Variants in MKLN1 observed in about 807,000 individuals in gnomAD.
MKLN1 encodes the protein muskelin 1, also known as muskelin.
Under a neutral mutation model 99.0 loss-of-function variants are expected in MKLN1, and 18 were observed. The ratio of observed to expected loss-of-function variants is 0.18; its 90% confidence interval spans 0.13 to 0.27. MKLN1 has a LOEUF of 0.27. MKLN1 is among the 10% of genes least tolerant of loss of function. The pLI is 1.00. For missense variants in MKLN1, 621 were observed against 875.9 expected, an observed-to-expected ratio of 0.71 and a Z score of 3.67; for synonymous variants, 288 against 293.2, an observed-to-expected ratio of 0.98 and a Z score of 0.18.
chr7:131,429,815 C>T (rs533858214), intron 9 of MKLN1, among the ~76,000 whole-genome samples: 1 of 152,264 alleles, frequency 6.6e-6, no homozygotes, highest in South Asian at 2.1e-4. Flanking sequence ...CTCCTGACCT[C>T]GTGATCCACC....
At chr7:131,116,824 T>C (rs1795285013) in intron 1 of MKLN1, among the ~76,000 whole-genome samples, 2 of 152,108 alleles carry the variant, frequency 1.3e-5, no homozygotes, top group African/African-American at 4.8e-5. Context: ...TTTTTTACTG[T>C]CAAGTTGACA....
intron 3 of MKLN1, among the ~76,000 whole-genome samples, chr7:131,245,930 T>C (rs1413337001): frequency 6.6e-6 from 1 of 152,258 alleles, no homozygotes; most frequent in Admixed American, 6.5e-5. Flanking sequence ...GAGACCATCC[T>C]GTCCACTCTT....
intron 1 of MKLN1, 148 bp downstream of exon 1, chr7:131,328,145 C>G (rs1798947090): frequency 9.1e-6 from 9 of 986,952 alleles, no homozygotes; most frequent in Admixed American, 2.7e-5. Flanking sequence ...AGTTCAGCTG[C>G]TGAGAGCGTT....
chr7:131,456,064 G>A (rs1242323957), intron 12 of MKLN1, among the ~76,000 whole-genome samples: 1 of 151,344 alleles, frequency 6.6e-6, no homozygotes, highest in African/African-American at 2.4e-5. Context: ...AAAAAAAAGA[G>A]AAAAGAAACT....
chr7:131,480,429 G>T (rs748608607), intron 17 of MKLN1, among the ~76,000 whole-genome samples: 1 of 152,068 alleles, frequency 6.6e-6, no homozygotes, highest in Non-Finnish European at 1.5e-5. Flanking sequence ...CTTTTCACTG[G>T]GATGAAAAAA....
intron 1 of MKLN1, among the ~76,000 whole-genome samples, chr7:131,124,497 C>T (rs1395513027): frequency 6.6e-6 from 1 of 152,226 alleles, no homozygotes; most frequent in African/African-American, 2.4e-5. Flanking sequence ...AACCCCCAGC[C>T]TCCCCAGTAC....
At chr7:131,213,517 A>G (rs1357235846) in intron 3 of MKLN1, among the ~76,000 whole-genome samples, 1 of 152,236 alleles carries the variant, frequency 6.6e-6, no homozygotes, top group Non-Finnish European at 1.5e-5. Context: ...ATTTTGGACT[A>G]GATAATTCTT....
chr7:131,119,891 G>A (rs779045103), intron 1 of MKLN1, among the ~76,000 whole-genome samples: 1 of 152,064 alleles, frequency 6.6e-6, no homozygotes, highest in Non-Finnish European at 1.5e-5. Flanking sequence ...CAGAAAATGG[G>A]GCTTTCTTTT....
At chr7:131,122,660 G>A (rs551034204) in intron 1 of MKLN1, among the ~76,000 whole-genome samples, 4 of 152,250 alleles carry the variant, frequency 2.6e-5, no homozygotes, top group Non-Finnish European at 4.4e-5. Context: ...GTGACTACTG[G>A]CAGGAAGAGA....
intron 3 of MKLN1, among the ~76,000 whole-genome samples, chr7:131,241,425 G>A (rs1797401218): frequency 6.7e-6 from 1 of 149,630 alleles, no homozygotes; most frequent in Admixed American, 6.7e-5. Context: ...CACCTTAGCA[G>A]CCCAGGGGCG....
chr7:131,393,506 G>T (rs1050088192), intron 4 of MKLN1, among the ~76,000 whole-genome samples: 1 of 151,900 alleles, frequency 6.6e-6, no homozygotes, highest in Non-Finnish European at 1.5e-5. Flanking sequence ...TTCCTCTAAA[G>T]GTATTCTTTA....
rs570552236 is a variant in MKLN1 at position 131,375,430 on chromosome 7, T to C, written c.105T>C (p.Ile35=). 3 of 1,609,032 alleles carry C rather than the reference T, an allele frequency of 1.9e-6. No homozygotes were observed. Among genetic ancestry groups the C allele is most frequent in the South Asian group, 1.1e-5 (1 of 90,946 alleles). Residue 35 remains isoleucine (I), a synonymous_variant, in exon 2 of 18, where the codon ATT becomes ATC. Coordinates refer to ENST00000352689, the MANE Select transcript of MKLN1 (RefSeq NM_013255.5). The part of the protein sequence containing the change: ...SFSSTYLPEN[I]LVDKPNDQSS... ...AATACTTTCTTTATTCCAGGAACATTTTAGTGGACAAACCAAATGACCAAT... is the reference window on the plus strand; with the variant it reads ...AATACTTTCTTTATTCCAGGAACATCTTAGTGGACAAACCAAATGACCAAT...
At chr7:131,464,186 T>A in intron 13 of MKLN1, 108 bp from the exon 14 acceptor site, 1 of 558,542 alleles carries the variant, frequency 1.8e-6, no homozygotes, top group South Asian at 3.0e-5. Context: ...TGTGAACGCA[T>A]TTCTAAAATT....
At chr7:131,283,976 A>G (rs1170603367) in intron 3 of MKLN1, among the ~76,000 whole-genome samples, 1 of 152,216 alleles carries the variant, frequency 6.6e-6, no homozygotes. Context: ...ATTATATTAT[A>G]TAATACTGCA....
At chr7:131,406,858 A>AT (rs1389321722) in intron 6 of MKLN1, among the ~76,000 whole-genome samples, 1 of 151,982 alleles carries the variant, frequency 6.6e-6, no homozygotes, top group African/African-American at 2.4e-5. Context: ...TTCAACTGCC[A>AT]TTTTTTAATA....
chr7:131,328,162 CCTCG>C (rs1256121734), intron 1 of MKLN1, 165 bp downstream of exon 1: 1 of 877,628 alleles, frequency 1.1e-6, no homozygotes, highest in Non-Finnish European at 1.7e-6. Context: ...CGTTGCTCGG[CCTCG>C]CTCGGGAAGG....
chr7:131,212,740 A>G lies in MKLN1; in HGVS notation c.-179+9766A>G, dbSNP rs552628832. On this transcript the variant is annotated intron_variant, in intron 3 of 7. Coordinates refer to the MKLN1 transcript ENST00000416992. ...GGAGTTCGAGACCAGCCTGACCAAC[A>G]TGGAGAAACCCCATCTCTACTAAAA... Among the ~76,000 whole-genome samples the G allele has an allele frequency of 1.2e-4, 18 of 152,246 alleles. No homozygotes were observed. The South Asian group carries it at 2.9e-3, about 25-fold the overall frequency.
intron 6 of MKLN1, among the ~76,000 whole-genome samples, chr7:131,400,072 T>C (rs1411238593): frequency 6.6e-6 from 1 of 152,112 alleles, no homozygotes; most frequent in Non-Finnish European, 1.5e-5. Flanking sequence ...TTTTTTAATC[T>C]TCCTCAGTAA....
At chr7:131,165,965 G>A (rs1796117140) in intron 2 of MKLN1, among the ~76,000 whole-genome samples, 1 of 152,084 alleles carries the variant, frequency 6.6e-6, no homozygotes, top group South Asian at 2.1e-4. Context: ...AAATACAAAT[G>A]TTAGCTGAGA....
Sources: gnomAD v4.1 joint callset for allele counts (sites outside exome capture counted in the v4.1 genomes callset) on GRCh38, gnomAD v4.1.1 for gene constraint, MANE v1.5 for transcripts, NCBI Gene and HGNC (gene_info 2026-07-23, HGNC 2026-07-21) for gene names.